The following PALM2AKAP2 variants were observed in gnomAD, a reference collection of about 807,000 sequenced individuals.
PALM2AKAP2 encodes the protein PALM2 and AKAP2 fusion, also known as PALM2-AKAP2 fusion protein.
Under a neutral mutation model 71.5 loss-of-function variants are expected in PALM2AKAP2, and 37 were observed. The observed-to-expected ratio is 0.52, with a 90% CI of 0.40 to 0.68. The LOEUF is 0.68. PALM2AKAP2 is among the 30% of genes least tolerant of loss of function. The pLI is 0.00. For synonymous variants in PALM2AKAP2, 468 were observed against 478.8 expected (o/e 0.98, Z 0.29); for missense variants, 1,224 against 1,191.8 (o/e 1.03, Z -0.40).
intron 3 of PALM2AKAP2, among the ~76,000 whole-genome samples, chr9:109,911,121 G>A (rs1244872280): frequency 1.3e-5 from 2 of 152,162 alleles, no homozygotes; most frequent in African/African-American, 4.8e-5. Flanking sequence ...TGAGTCAGAG[G>A]CTGGAGGTCA....
chr9:110,002,874 GA>G (rs978885430), intron 6 of PALM2AKAP2, among the ~76,000 whole-genome samples: 11 of 152,180 alleles, frequency 7.2e-5, no homozygotes, highest in African/African-American at 2.7e-4. Context: ...GATTGGTGGT[GA>G]TATCCCCTTT....
At chr9:109,969,732 A>G (rs938230576) in intron 6 of PALM2AKAP2, among the ~76,000 whole-genome samples, 2 of 152,190 alleles carry the variant, frequency 1.3e-5, no homozygotes, top group Non-Finnish European at 2.9e-5. Context: ...GGAGCCTGGA[A>G]TCAGCATCCA....
At chr9:110,131,711 A>G (rs1476676664) in intron 1 of PALM2AKAP2, among the ~76,000 whole-genome samples, 2 of 152,206 alleles carry the variant, frequency 1.3e-5, no homozygotes, top group Non-Finnish European at 2.9e-5. Context: ...TTTTGTTATC[A>G]TTGTTGTCTA....
At chr9:110,091,358 A>G (rs1834700508) in intron 1 of PALM2AKAP2, among the ~76,000 whole-genome samples, 1 of 150,894 alleles carries the variant, frequency 6.6e-6, no homozygotes, top group African/African-American at 2.4e-5. Flanking sequence ...GTGCTGACTT[A>G]TAATGTGTGT....
chr9:109,734,231 A>G (rs1828596675), intron 1 of PALM2AKAP2, among the ~76,000 whole-genome samples: 2 of 152,154 alleles, frequency 1.3e-5, no homozygotes, highest in African/African-American at 4.8e-5. Flanking sequence ...AAATGTTTTA[A>G]GAATTTGTAG....
intron 3 of PALM2AKAP2, among the ~76,000 whole-genome samples, chr9:109,910,495 A>G (rs1830543797): frequency 6.6e-6 from 1 of 152,168 alleles, no homozygotes; most frequent in Admixed American, 6.5e-5. Flanking sequence ...AAACAAATAA[A>G]CCTTTAGTGG....
intron 1 of PALM2AKAP2, among the ~76,000 whole-genome samples, chr9:110,066,048 C>T (rs924178051): frequency 2.6e-5 from 4 of 152,198 alleles, no homozygotes; most frequent in African/African-American, 4.8e-5. Flanking sequence ...AAAGAGTTCC[C>T]CAGTTCCCTA....
At chr9:110,001,162 C>A (rs1269665246) in intron 6 of PALM2AKAP2, among the ~76,000 whole-genome samples, 1 of 152,182 alleles carries the variant, frequency 6.6e-6, no homozygotes, top group Non-Finnish European at 1.5e-5. Context: ...ACATTTAAGT[C>A]TTTAATCCAT....
intron 7 of PALM2AKAP2, chr9:110,025,392 C>A: frequency 1.2e-6 from 1 of 801,946 alleles, no homozygotes; most frequent in East Asian, 2.5e-5. Context: ...AGGTTCCGCC[C>A]GAAAGGCTTT....
chr9:109,753,607 G>T (rs890578563), intron 1 of PALM2AKAP2, among the ~76,000 whole-genome samples: 2 of 152,158 alleles, frequency 1.3e-5, no homozygotes, highest in African/African-American at 4.8e-5. Flanking sequence ...CAGCACCTTT[G>T]CAAGTGTGTG....
At chr9:110,114,071 C>G (rs775460479) in intron 1 of PALM2AKAP2, among the ~76,000 whole-genome samples, 1 of 152,208 alleles carries the variant, frequency 6.6e-6, no homozygotes, top group Non-Finnish European at 1.5e-5. Context: ...ATAACAAATT[C>G]TCACAAATTA....
At chr9:110,113,098 C>T (rs1388380726) in intron 1 of PALM2AKAP2, among the ~76,000 whole-genome samples, 1 of 152,230 alleles carries the variant, frequency 6.6e-6, no homozygotes, top group Non-Finnish European at 1.5e-5. Flanking sequence ...TATGCTTCTG[C>T]TCCAGCTGGG....
At chr9:110,089,258 C>G (rs1834651223) in intron 1 of PALM2AKAP2, among the ~76,000 whole-genome samples, 1 of 152,242 alleles carries the variant, frequency 6.6e-6, no homozygotes, top group Non-Finnish European at 1.5e-5. Flanking sequence ...TTTAATTTCA[C>G]TTGTTGAAAA....
chr9:109,710,171 G>A (rs1402601564), intron 1 of PALM2AKAP2, among the ~76,000 whole-genome samples: 1 of 152,208 alleles, frequency 6.6e-6, no homozygotes, highest in Non-Finnish European at 1.5e-5. Context: ...ACCCAATCGT[G>A]CCAACACCTT....
At chr9:109,811,269 CAG>C (rs1205996910) in intron 1 of PALM2AKAP2, among the ~76,000 whole-genome samples, 4 of 151,946 alleles carry the variant, frequency 2.6e-5, no homozygotes, top group East Asian at 1.9e-4. Context: ...CTGAGTATGA[CAG>C]AGAGAGAGGG....
intron 1 of PALM2AKAP2, among the ~76,000 whole-genome samples, chr9:109,680,611 A>G (rs779513898): frequency 2.3e-4 from 35 of 152,260 alleles, no homozygotes; most frequent in Non-Finnish European, 4.4e-4. Flanking sequence ...ATTGAAAATC[A>G]TTAAAATATT....
intron 3 of PALM2AKAP2, among the ~76,000 whole-genome samples, chr9:109,902,187 A>C (rs945114087): frequency 1.9e-4 from 29 of 152,236 alleles, no homozygotes; most frequent in African/African-American, 7.0e-4. Context: ...TACTTCACCC[A>C]TCTGCAAAGT....
chr9:109,682,859 T>A (rs1827756781), intron 1 of PALM2AKAP2, among the ~76,000 whole-genome samples: 1 of 152,214 alleles, frequency 6.6e-6, no homozygotes, highest in Non-Finnish European at 1.5e-5. Flanking sequence ...AACATACTTA[T>A]GTCCTAATCC....
chr9:110,119,469 G>A lies in PALM2AKAP2; in HGVS notation c.157-16658G>A, dbSNP rs149599301. On this transcript the variant is annotated intron_variant, in intron 1 of 3. Coordinates refer to ENST00000374525, the Ensembl canonical transcript of PALM2AKAP2. ...TCCTTGTGTATAGATCATTTTCTACGTGTGCTTCTATGGTTGTAGTATAAA... is the reference window on the plus strand; with the variant it reads ...TCCTTGTGTATAGATCATTTTCTACATGTGCTTCTATGGTTGTAGTATAAA... Among the ~76,000 whole-genome samples, 307 of 151,956 alleles carry A rather than the reference G, an allele frequency of 2.0e-3. 2 individuals are homozygous for A. Among genetic ancestry groups the A allele is most frequent in the African/African-American group, 6.1e-3 (252 of 41,448 alleles).
Sources: gnomAD v4.1 joint callset for allele counts (sites outside exome capture counted in the v4.1 genomes callset) on GRCh38, gnomAD v4.1.1 for gene constraint, MANE v1.5 for transcripts, NCBI Gene and HGNC (gene_info 2026-07-23, HGNC 2026-07-21) for gene names.